RECQL5: variants seen among roughly 807,000 people sequenced by gnomAD.
RECQL5 encodes the protein ATP-dependent DNA helicase Q5.
A neutral mutation model predicts 103.4 loss-of-function variants in RECQL5; 88 were observed. The ratio of observed to expected loss-of-function variants is 0.85; its 90% CI spans 0.72 to 1.02. The LOEUF is 1.02. Among genes scored for constraint, RECQL5 ranks in the 50% least tolerant of loss-of-function variants. RECQL5 has a pLI of 0.00. For synonymous variants in RECQL5, 552 were observed against 507.9 expected, an observed-to-expected ratio of 1.09 and a Z score of -1.17; for missense variants, 1,232 against 1,284.3, an observed-to-expected ratio of 0.96 and a Z score of 0.62.
At chr17:75,661,573 T>C (rs745714302) in intron 5 of RECQL5, 33 bp downstream of exon 5, 2 of 1,477,366 alleles carry the variant, frequency 1.4e-6, no homozygotes, top group South Asian at 2.3e-5. Flanking sequence ...CCTCTGAGGG[T>C]GAAGAGACTC....
chr17:75,656,291 T>C (rs2059619223), intron 7 of RECQL5, among the ~76,000 whole-genome samples: 1 of 151,864 alleles, frequency 6.6e-6, no homozygotes, highest in African/African-American at 2.4e-5. Context: ...TTGGTCAGGC[T>C]GGTCTCAAAC....
At chr17:75,657,916 CAT>C in intron 7 of RECQL5, among the ~76,000 whole-genome samples, 2 of 152,024 alleles carry the variant, frequency 1.3e-5, no homozygotes, top group South Asian at 2.1e-4. Context: ...GGCATGGTGG[CAT>C]GCACCTGTAA....
rs772044711 is a variant in RECQL5, at chr17:75,651,142, G to T, written c.1229+44C>A. 10 of 1,613,874 alleles carry T rather than the reference G, an allele frequency of 6.2e-6. No individual in the cohort carries two copies. The Admixed American group carries it at 1.7e-4, about 27-fold the overall frequency. ...ACTAGGGCGTGCCGGGGAAGTAAATGATCTCACTGACACTTTGCTCCACAT... is the reference window on the plus strand; with the variant it reads ...ACTAGGGCGTGCCGGGGAAGTAAATTATCTCACTGACACTTTGCTCCACAT... On this transcript the variant is annotated intron_variant, in intron 8 of 19. Coordinates refer to ENST00000317905, the MANE Select transcript of RECQL5 (RefSeq NM_004259.7).
At chr17:75,651,996 G>A (rs1014222834) in intron 7 of RECQL5, among the ~76,000 whole-genome samples, 11 of 152,098 alleles carry the variant, frequency 7.2e-5, no homozygotes, top group African/African-American at 2.7e-4. Context: ...GGAGACTGAG[G>A]TGGGCGGATC....
chr17:75,651,184 A>G lies in RECQL5; in HGVS notation c.1229+2T>C. 1.2e-6 allele frequency: 2 copies of G among 1,614,124 alleles called. No homozygotes were observed. The highest frequency in any genetic ancestry group is 1.7e-6 in the Non-Finnish European group (2 of 1,180,034). ...GCTCCACATATAAAATAAGTCACTT[A>G]CCCCAGTTCTTCACAGAAGGTCACC... On this transcript the variant is annotated splice_donor_variant, in intron 8 of 19. Transcript: ENST00000317905. LOFTEE classifies it high-confidence loss of function.
intron 14 of RECQL5, among the ~76,000 whole-genome samples, 161 bp from the exon 15 acceptor site, chr17:75,630,003 G>T (rs1000276971): frequency 1.3e-5 from 2 of 151,864 alleles, no homozygotes; most frequent in African/African-American, 4.8e-5. Context: ...TCCTCACAGG[G>T]TTGGCTAGAA....
intron 8 of RECQL5, chr17:75,647,709 A>C: frequency 1.3e-6 from 1 of 771,702 alleles, no homozygotes; most frequent in Non-Finnish European, 2.1e-6. Flanking sequence ...GTCTAGTAAA[A>C]TACTGTATCT....
In RECQL5 at chr17:75,651,273, C is replaced by G; in HGVS notation, c.1150-8G>C. ...TTTGTTTCCTCTCTTTTCCTGGGGA[C>G]AAAAAATGACCACTTAGCAAGTCTT... On this transcript the variant is annotated splice_region_variant and splice_polypyrimidine_tract_variant and intron_variant, in intron 7 of 19. Coordinates refer to ENST00000317905, the MANE Select transcript of RECQL5 (RefSeq NM_004259.7). The G allele has an allele frequency of 6.2e-7, 1 of 1,613,566 alleles. No homozygotes were observed. The highest frequency in any genetic ancestry group is 1.3e-5 in the African/African-American group (1 of 74,952).
chr17:75,628,135 G>A (rs2059136383), intron 18 of RECQL5, 83 bp downstream of exon 18: 1 of 1,237,348 alleles, frequency 8.1e-7, no homozygotes, highest in East Asian at 2.4e-5. Flanking sequence ...TGTGTTCTGG[G>A]GCTCAAACTC....
chr17:75,645,489 G>A (rs992368248), intron 8 of RECQL5, among the ~76,000 whole-genome samples: 2 of 152,124 alleles, frequency 1.3e-5, no homozygotes, highest in Admixed American at 6.5e-5. Flanking sequence ...ATTGGTTCCC[G>A]GGATGTTAAA....
At chr17:75,658,041 C>T (rs551001262) in intron 7 of RECQL5, among the ~76,000 whole-genome samples, 2 of 151,708 alleles carry the variant, frequency 1.3e-5, no homozygotes, top group African/African-American at 4.8e-5. Flanking sequence ...GAGTGAGACT[C>T]TGTCTCAAAA....
intron 8 of RECQL5, among the ~76,000 whole-genome samples, chr17:75,647,016 G>C (rs998823304): frequency 6.6e-6 from 1 of 152,232 alleles, no homozygotes; most frequent in Non-Finnish European, 1.5e-5. Flanking sequence ...ACTCTATCAT[G>C]ATGCTTTTTA....
chr17:75,657,740 T>C (rs929526205), intron 7 of RECQL5, among the ~76,000 whole-genome samples: 4 of 146,950 alleles, frequency 2.7e-5, no homozygotes, highest in Non-Finnish European at 6.0e-5. Context: ...TGAGAGACCT[T>C]GTCTCTTAAA....
At chr17:75,629,513 C>G in intron 15 of RECQL5, 38 bp from the exon 16 acceptor site, 1 of 1,501,500 alleles carries the variant, frequency 6.7e-7, no homozygotes. Flanking sequence ...GTTCAGCCCA[C>G]TAGGCCCCCT....
At chr17:75,662,208 T>G (rs1293287659) in intron 4 of RECQL5, among the ~76,000 whole-genome samples, 3 of 152,060 alleles carry the variant, frequency 2.0e-5, no homozygotes, top group Non-Finnish European at 4.4e-5. Flanking sequence ...CCTGTTTAAC[T>G]TCTCTGCCTC....
intron 6 of RECQL5, among the ~76,000 whole-genome samples, chr17:75,658,692 A>G (rs967094253): frequency 3.9e-5 from 6 of 152,146 alleles, no homozygotes; most frequent in Non-Finnish European, 8.8e-5. Context: ...AGCACATATG[A>G]GGGGCCAAAA....
chr17:75,646,684 G>C (rs1406905366), intron 8 of RECQL5: 2 of 152,394 alleles, frequency 1.3e-5, no homozygotes, highest in Non-Finnish European at 2.9e-5. Context: ...TGCAGCTCTG[G>C]TCACCTGGCG....
rs1307138039 is a variant in RECQL5, at chr17:75,655,370, C to CT, written c.1149+2927dup. Among the ~76,000 whole-genome samples the CT allele has an allele frequency of 7.8e-3, 1,140 of 145,502 alleles. 10 individuals carry two copies. Among genetic ancestry groups the CT allele is most frequent in the African/African-American group, 0.026 (1,049 of 39,860 alleles). On this transcript the variant is annotated intron_variant, in intron 7 of 19. Transcript: ENST00000317905. ...ACAAGCATGAGCCCCTGCGCCTGGCCTTTTTTTTTTTGAGACAGAGTCTCG... is the reference window on the plus strand; with the variant it reads ...ACAAGCATGAGCCCCTGCGCCTGGCCTTTTTTTTTTTTGAGACAGAGTCTCG...
rs768705080 is a variant in RECQL5, at chr17:75,658,362, T to C, written c.1085A>G (p.Tyr362Cys). 2.5e-6 allele frequency: 4 copies of C among 1,613,968 alleles called. No individual in the cohort carries two copies. Among genetic ancestry groups the C allele is most frequent in the Non-Finnish European group, 3.4e-6 (4 of 1,179,958 alleles). ...RDGKPSWCRLYYSRNDRDQVS... is the reference protein window; with the variant it reads ...RDGKPSWCRLCYSRNDRDQVS... ...TTGGTCCCGGTCATTCCTGGAGTAA[T>C]AGAGACGGCACCAGGAAGGCTTCCC... Residue 362 changes from tyrosine (Y) to cysteine (C), a missense_variant, in exon 7 of 20, where the codon TAT becomes TGT. Coordinates refer to ENST00000317905, the MANE Select transcript of RECQL5 (RefSeq NM_004259.7).
Sources: gnomAD v4.1 joint callset for allele counts (sites outside exome capture counted in the v4.1 genomes callset) on GRCh38, gnomAD v4.1.1 for gene constraint, MANE v1.5 for transcripts, NCBI Gene and HGNC (gene_info 2026-07-23, HGNC 2026-07-21) for gene names.